Variants in GFRA1 observed in about 807,000 individuals in gnomAD.
GFRA1 encodes the protein GDNF family receptor alpha-1.
GFRA1 carries 16 observed loss-of-function variants against 51.6 expected under a neutral mutation model. The observed-to-expected ratio is 0.31, with a 90% CI of 0.21 to 0.47. The LOEUF (loss-of-function observed/expected upper bound fraction) is 0.47, where lower values mean the gene tolerates loss of function less well. Among genes scored for constraint, GFRA1 ranks in the 20% least tolerant of loss-of-function variants. The pLI, the probability that GFRA1 is intolerant of heterozygous loss-of-function variation, is 1.00. For missense variants in GFRA1, 530 were observed against 594.3 expected (o/e 0.89, Z 1.13); for synonymous variants, 270 against 241.3 (o/e 1.12, Z -1.10).
At position 116,064,279 on chromosome 10, in the gene GFRA1, G is replaced by T; in HGVS notation, c.*119C>A. ...AGGAAAAAAAAAAAATGTTCCAGTT[G>T]AATGGAACTGTTTCTCAACTGAGCT... On this transcript the variant is annotated 3_prime_UTR_variant, in exon 11 of 11. Coordinates refer to ENST00000355422, the MANE Select transcript of GFRA1 (RefSeq NM_005264.8). 1.2e-6 allele frequency: 1 copy of T among 843,932 alleles called. No individual in the cohort carries two copies. The allele number at this position is 843,932 out of a possible 1,614,324, so 52.3% of individuals were successfully genotyped here.
At chr10:116,176,956 T>G (rs187541656) in intron 5 of GFRA1, among the ~76,000 whole-genome samples, 160 of 152,242 alleles carry the variant, frequency 1.1e-3, no homozygotes, top group Admixed American at 1.6e-3. Context: ...AAGCTGGTCT[T>G]GAAGAATGAA....
At chr10:116,187,177 A>C (rs1962803670) in intron 5 of GFRA1, among the ~76,000 whole-genome samples, 1 of 152,222 alleles carries the variant, frequency 6.6e-6, no homozygotes, top group Non-Finnish European at 1.5e-5. Flanking sequence ...TCAGTTAATA[A>C]AAGCACCAAG....
intron 5 of GFRA1, among the ~76,000 whole-genome samples, chr10:116,164,411 T>C (rs1227236318): frequency 1.3e-5 from 2 of 152,198 alleles, no homozygotes; most frequent in Non-Finnish European, 2.9e-5. Flanking sequence ...AATTAGTCTC[T>C]TTTGTGCTCT....
intron 8 of GFRA1, among the ~76,000 whole-genome samples, chr10:116,093,124 G>A (rs944971363): frequency 2.6e-5 from 4 of 152,118 alleles, no homozygotes; most frequent in African/African-American, 4.8e-5. Flanking sequence ...CAGAGATAAC[G>A]GGCATCCCGA....
chr10:116,086,282 A>T (rs1234235374), intron 9 of GFRA1, among the ~76,000 whole-genome samples: 13 of 152,204 alleles, frequency 8.5e-5, no homozygotes, highest in Admixed American at 7.2e-4. Context: ...CCCCCAAGGA[A>T]GCATAGCACC....
At chr10:116,213,272 T>A (rs913554311) in intron 4 of GFRA1, among the ~76,000 whole-genome samples, 1 of 152,220 alleles carries the variant, frequency 6.6e-6, no homozygotes, top group African/African-American at 2.4e-5. Context: ...TGTTTGGCAA[T>A]AAGGAATCAA....
rs773331102 is a variant in GFRA1, at chr10:116,271,048, G to A, written c.108C>T (p.Cys36=). The A allele has an allele frequency of 6.2e-7, 1 of 1,613,956 alleles. No individual in the cohort carries two copies. The highest frequency in any genetic ancestry group is 8.5e-7 in the Non-Finnish European group (1 of 1,179,848). Residue 36 remains cysteine (C), a synonymous_variant, in exon 3 of 11, where the codon TGC becomes TGT. Coordinates refer to ENST00000355422, the MANE Select transcript of GFRA1 (RefSeq NM_005264.8). ...RLDCVKASDQ[C]LKEQSCSTKY... Reference sequence around the variant, plus strand: ...TGGTGCTGCAGCTCTGCTCCTTCAGGCACTGATCACTGGCTTTCACGCAAT... The same window carrying A: ...TGGTGCTGCAGCTCTGCTCCTTCAGACACTGATCACTGGCTTTCACGCAAT...
Position 116,062,705 on chromosome 10 carries a change from T to A in GFRA1, c.*1693A>T, listed in dbSNP as rs530271682. 2.6e-5 allele frequency: 4 copies of A among 152,340 alleles called. No homozygotes were observed. The highest frequency in any genetic ancestry group is 1.3e-4 in the Admixed American group (2 of 15,308). The allele number at this position is 152,340 out of a possible 1,614,324, so 9.4% of individuals were successfully genotyped here. A position where few individuals can be genotyped will look rare whatever the true frequency, so the allele number is the denominator to read the frequency against. On this transcript the variant is annotated 3_prime_UTR_variant, in exon 11 of 11. Coordinates refer to ENST00000355422, the MANE Select transcript of GFRA1 (RefSeq NM_005264.8). ...TTCTGAAGGTGGAATCTCCTCCTCT[T>A]TACTTAATGTTGGAGAAAAGTGGCC...
At chr10:116,093,657 A>G (rs763512822) in intron 8 of GFRA1, 45 bp downstream of exon 8, 4 of 1,584,050 alleles carry the variant, frequency 2.5e-6, no homozygotes, top group African/African-American at 1.3e-5. Flanking sequence ...AGCTCGGAGA[A>G]GAAAATGCGT....
At chr10:116,204,353 C>G (rs1445278083) in intron 5 of GFRA1, among the ~76,000 whole-genome samples, 1 of 152,220 alleles carries the variant, frequency 6.6e-6, no homozygotes, top group East Asian at 1.9e-4. Context: ...TGCATATGCA[C>G]AGGTCAGTGT....
intron 5 of GFRA1, among the ~76,000 whole-genome samples, chr10:116,148,555 C>T (rs1239803526): frequency 1.3e-5 from 2 of 152,172 alleles, no homozygotes; most frequent in Non-Finnish European, 1.5e-5. Context: ...ATGCCTAGCA[C>T]ATAGCAGACG....
chr10:116,236,369 T>A (rs550457128), intron 4 of GFRA1, among the ~76,000 whole-genome samples: 2 of 152,154 alleles, frequency 1.3e-5, no homozygotes, highest in East Asian at 3.9e-4. Flanking sequence ...AAATTTCCCC[T>A]CTATGCTCAA....
intron 6 of GFRA1, among the ~76,000 whole-genome samples, chr10:116,119,198 G>A (rs1957549062): frequency 6.6e-6 from 1 of 152,144 alleles, no homozygotes; most frequent in South Asian, 2.1e-4. Context: ...ATGGGATGGA[G>A]TCAAAGAACA....
chr10:116,171,356 C>T lies in GFRA1; in HGVS notation c.433+40275G>A, dbSNP rs886579345. Among the ~76,000 whole-genome samples the T allele has an allele frequency of 3.3e-5, 5 of 152,206 alleles. No homozygotes were observed. The South Asian group carries it at 1.0e-3, about 32-fold the overall frequency. ...ATTTTTATCAAACAGACGCTAAACT[C>T]GGAGCAACTGTACCAAAGAAAAAGA... is the stretch of plus-strand genomic sequence containing the variant. On this transcript the variant is annotated intron_variant, in intron 5 of 10. Transcript: ENST00000355422.
chr10:116,149,315 T>A (rs188224011), intron 5 of GFRA1, among the ~76,000 whole-genome samples: 113 of 152,338 alleles, frequency 7.4e-4, no homozygotes, highest in African/African-American at 2.6e-3. Flanking sequence ...TCAAGCTCTT[T>A]GCACATTAAA....
intron 4 of GFRA1, among the ~76,000 whole-genome samples, chr10:116,224,422 C>G (rs1225944957): frequency 1.3e-5 from 2 of 152,008 alleles, no homozygotes; most frequent in African/African-American, 4.8e-5. Flanking sequence ...TCATAATAAC[C>G]AAAAAGTGGA....
intron 4 of GFRA1, among the ~76,000 whole-genome samples, chr10:116,265,335 A>G (rs1969576630): frequency 6.6e-6 from 1 of 152,174 alleles, no homozygotes. Context: ...ATGCAATATC[A>G]TCAACTGTGA....
At chr10:116,273,671 GTCTC>G (rs60112716), upstream of GFRA1, among the ~76,000 whole-genome samples, 423 of 146,740 alleles carry the variant, frequency 2.9e-3, no homozygotes, top group African/African-American at 7.1e-3. Flanking sequence ...CTCTCTCTCT[GTCTC>G]TCTCTCTCTC....
chr10:116,217,627 G>T (rs1965649290), intron 4 of GFRA1, among the ~76,000 whole-genome samples: 1 of 152,202 alleles, frequency 6.6e-6, no homozygotes, highest in South Asian at 2.1e-4. Flanking sequence ...AAAGTCAATG[G>T]TATAATAATA....
Sources: allele counts gnomAD v4.1 joint callset (sites outside exome capture counted in the v4.1 genomes callset), GRCh38; gene constraint gnomAD v4.1.1; transcripts MANE v1.5; gene names NCBI Gene and HGNC (gene_info 2026-07-23, HGNC 2026-07-21).